Variants in RAB28 observed in about 807,000 individuals in gnomAD.
RAB28 encodes RAB28, member RAS oncogene family, also known as ras-related protein Rab-28.
RAB28 carries 24 observed loss-of-function variants against 31.7 expected under a neutral mutation model. The ratio of observed to expected loss-of-function variants is 0.76; its 90% CI spans 0.55 to 1.06. The LOEUF is 1.06. Among genes scored for constraint, RAB28 ranks in the 50% least tolerant of loss-of-function variants. The pLI, the probability that RAB28 is intolerant of heterozygous loss-of-function variation, is 0.00. For synonymous variants in RAB28, 100 were observed against 90.4 expected (o/e 1.11, Z -0.60); for missense variants, 254 against 258.5 (o/e 0.98, Z 0.12).
At chr4:13,408,997 A>G (rs1276294203) in intron 4 of RAB28, among the ~76,000 whole-genome samples, 1 of 152,204 alleles carries the variant, frequency 6.6e-6, no homozygotes, top group Non-Finnish European at 1.5e-5. Flanking sequence ...ACAAATATTT[A>G]ATAGTAATTC....
intron 4 of RAB28, 46 bp downstream of exon 4, chr4:13,460,653 A>G: frequency 1.2e-6 from 2 of 1,611,360 alleles, no homozygotes; most frequent in Non-Finnish European, 1.7e-6. Flanking sequence ...TCTGTCCACA[A>G]CAGCAAGTAA....
At chr4:13,376,735 T>C (rs1036473543) in intron 5 of RAB28, 113 bp from the exon 6 acceptor site, 12 of 550,742 alleles carry the variant, frequency 2.2e-5, no homozygotes, top group South Asian at 1.0e-4. Flanking sequence ...AAATATGATA[T>C]AGCAGGTGAT....
intron 6 of RAB28, among the ~76,000 whole-genome samples, chr4:13,374,908 C>T (rs1055338008): frequency 6.6e-6 from 1 of 152,000 alleles, no homozygotes; most frequent in African/African-American, 2.4e-5. Flanking sequence ...TTCATAAATC[C>T]CCAAAATCTG....
intron 4 of RAB28, among the ~76,000 whole-genome samples, chr4:13,416,933 C>T (rs969558025): frequency 1.3e-5 from 2 of 152,208 alleles, no homozygotes; most frequent in African/African-American, 4.8e-5. Context: ...CAGGGCGGGG[C>T]ATCACTTCAC....
chr4:13,448,248 G>A (rs1313531271), intron 4 of RAB28, among the ~76,000 whole-genome samples: 1 of 151,892 alleles, frequency 6.6e-6, no homozygotes, highest in African/African-American at 2.4e-5. Context: ...TGTTTCTATA[G>A]CTCTGTGTTC....
chr4:13,400,900 A>C (rs886129797), intron 4 of RAB28, among the ~76,000 whole-genome samples: 1 of 152,178 alleles, frequency 6.6e-6, no homozygotes, highest in African/African-American at 2.4e-5. Context: ...CCAGCACTGC[A>C]TTTCCAGGAT....
At chr4:13,471,626 C>G (rs1186731547) in intron 3 of RAB28, among the ~76,000 whole-genome samples, 1 of 151,994 alleles carries the variant, frequency 6.6e-6, no homozygotes, top group Non-Finnish European at 1.5e-5. Context: ...ATCAGTCTCT[C>G]AAGTAGCCGG....
intron 1 of RAB28, among the ~76,000 whole-genome samples, chr4:13,481,097 T>C (rs1365965544): frequency 6.6e-6 from 1 of 152,008 alleles, no homozygotes; most frequent in Non-Finnish European, 1.5e-5. Flanking sequence ...TTTTTCACTT[T>C]AAAGAATCTC....
chr4:13,436,137 C>A (rs1006122753), intron 4 of RAB28, among the ~76,000 whole-genome samples: 2 of 152,082 alleles, frequency 1.3e-5, no homozygotes, highest in African/African-American at 4.8e-5. Context: ...TCAGAAAAGG[C>A]ATTCAATAAA....
chr4:13,428,030 G>GC (rs1444610990), intron 4 of RAB28, among the ~76,000 whole-genome samples: 1 of 152,174 alleles, frequency 6.6e-6, no homozygotes, highest in Non-Finnish European at 1.5e-5. Flanking sequence ...GATTGAGCAA[G>GC]CAGGGGGTAC....
At chr4:13,382,033 T>C (rs904113333) in intron 4 of RAB28, among the ~76,000 whole-genome samples, 3 of 152,238 alleles carry the variant, frequency 2.0e-5, no homozygotes, top group African/African-American at 7.2e-5. Flanking sequence ...ATTAGCTCTG[T>C]AATCTCTATA....
chr4:13,395,411 G>T (rs560576013), intron 4 of RAB28, among the ~76,000 whole-genome samples: 1 of 151,938 alleles, frequency 6.6e-6, no homozygotes, highest in Non-Finnish European at 1.5e-5. Flanking sequence ...TCCATGATTA[G>T]CCCAAACATA....
At chr4:13,443,671 CT>C (rs1714535093) in intron 4 of RAB28, among the ~76,000 whole-genome samples, 1 of 152,114 alleles carries the variant, frequency 6.6e-6, no homozygotes, top group Non-Finnish European at 1.5e-5. Context: ...ACTTATCATA[CT>C]TGTCATTTTT....
At chr4:13,412,204 C>A (rs1317152153) in intron 4 of RAB28, among the ~76,000 whole-genome samples, 1 of 152,062 alleles carries the variant, frequency 6.6e-6, no homozygotes, top group South Asian at 2.1e-4. Flanking sequence ...CAGAGGAGAG[C>A]TATCCAGACT....
intron 4 of RAB28, among the ~76,000 whole-genome samples, chr4:13,424,642 AC>A (rs1713372367): frequency 6.6e-6 from 1 of 152,218 alleles, no homozygotes; most frequent in Non-Finnish European, 1.5e-5. Context: ...CTGAGAAACT[AC>A]AGTCAAGAGA....
At chr4:13,470,147 A>G (rs1716052842) in intron 3 of RAB28, among the ~76,000 whole-genome samples, 1 of 152,130 alleles carries the variant, frequency 6.6e-6, no homozygotes, top group Non-Finnish European at 1.5e-5. Context: ...TCCCATTCCC[A>G]AAATGCAGGT....
At chr4:13,371,122 C>T (rs918455575) in intron 6 of RAB28, 6 of 985,144 alleles carry the variant, frequency 6.1e-6, no homozygotes, top group East Asian at 1.1e-4. Context: ...TATAAACAAT[C>T]GAGAGTAAAT....
At chr4:13,463,256 G>C (rs997264468) in intron 3 of RAB28, among the ~76,000 whole-genome samples, 1 of 152,010 alleles carries the variant, frequency 6.6e-6, no homozygotes, top group Admixed American at 6.6e-5. Flanking sequence ...ATCCCAACAT[G>C]GGACAACACC....
chr4:13,414,248 A>G (rs766639126), intron 4 of RAB28, among the ~76,000 whole-genome samples: 11 of 152,206 alleles, frequency 7.2e-5, no homozygotes, highest in Non-Finnish European at 1.5e-4. Context: ...AATGTTATTG[A>G]CACATACTAC....
Sources: gnomAD v4.1 joint callset for allele counts (sites outside exome capture counted in the v4.1 genomes callset) on GRCh38, gnomAD v4.1.1 for gene constraint, MANE v1.5 for transcripts, NCBI Gene and HGNC (gene_info 2026-07-23, HGNC 2026-07-21) for gene names.